Variants in CYP39A1 observed in about 807,000 individuals in gnomAD.
CYP39A1 encodes 24-hydroxycholesterol 7-alpha-hydroxylase.
Under a neutral mutation model 58.1 loss-of-function variants are expected in CYP39A1, and 49 were observed. The observed-to-expected ratio is 0.84, with a 90% CI of 0.67 to 1.07. The LOEUF (loss-of-function observed/expected upper bound fraction) is 1.07, where lower values mean the gene tolerates loss of function less well. Among genes scored for constraint, CYP39A1 ranks in the 50% least tolerant of loss-of-function variants. CYP39A1 has a pLI of 0.00. For missense variants in CYP39A1, 531 were observed against 539.4 expected (o/e 0.98, Z 0.16); for synonymous variants, 209 against 187.6 (o/e 1.11, Z -0.93).
intron 7 of CYP39A1, among the ~76,000 whole-genome samples, chr6:46,620,722 G>A (rs1033955158): frequency 6.6e-6 from 1 of 152,140 alleles, no homozygotes; most frequent in East Asian, 1.9e-4. Context: ...TTGGCTGAGT[G>A]TTGAAGGCAT....
At chr6:46,558,573 G>A (rs1770783974) in intron 10 of CYP39A1, among the ~76,000 whole-genome samples, 1 of 152,246 alleles carries the variant, frequency 6.6e-6, no homozygotes, top group South Asian at 2.1e-4. Context: ...TGGGGACACA[G>A]AGGCAAACTA....
chr6:46,630,479 T>C (rs1165405980), intron 6 of CYP39A1, among the ~76,000 whole-genome samples: 1 of 152,100 alleles, frequency 6.6e-6, no homozygotes, highest in Non-Finnish European at 1.5e-5. Context: ...TATTAGGAAA[T>C]GGAGGCACAG....
At chr6:46,554,414 T>C (rs895345634) in intron 10 of CYP39A1, among the ~76,000 whole-genome samples, 6 of 152,142 alleles carry the variant, frequency 3.9e-5, no homozygotes, top group Non-Finnish European at 7.4e-5. Context: ...TACAGGAACA[T>C]CAAATTCCCC....
intron 10 of CYP39A1, among the ~76,000 whole-genome samples, chr6:46,555,626 A>C (rs551760672): frequency 6.6e-6 from 1 of 152,194 alleles, no homozygotes; most frequent in South Asian, 2.1e-4. Flanking sequence ...TACAGCTAGA[A>C]TTTGCATGTC....
At chr6:46,625,397 C>T in intron 7 of CYP39A1, 21 bp downstream of exon 7, 1 of 1,535,524 alleles carries the variant, frequency 6.5e-7, no homozygotes, top group African/African-American at 1.4e-5. Context: ...CTGTGTCTTC[C>T]TATATAATAA....
intron 6 of CYP39A1, among the ~76,000 whole-genome samples, chr6:46,630,133 A>C (rs577301309): frequency 4.5e-4 from 68 of 151,224 alleles, no homozygotes; most frequent in African/African-American, 1.2e-3. Flanking sequence ...ACAACAACAA[A>C]AAAACCCACA....
intron 3 of CYP39A1, 73 bp downstream of exon 3, chr6:46,639,421 T>G: frequency 1.4e-6 from 2 of 1,392,808 alleles, no homozygotes; most frequent in Non-Finnish European, 2.0e-6. Flanking sequence ...ATGTTTGAAG[T>G]CCAATCTATA....
intron 5 of CYP39A1, among the ~76,000 whole-genome samples, chr6:46,633,205 A>C (rs1183033393): frequency 6.6e-6 from 1 of 152,196 alleles, no homozygotes; most frequent in East Asian, 1.9e-4. Context: ...AATTGAAAAT[A>C]GTTTAGATAT....
intron 7 of CYP39A1, among the ~76,000 whole-genome samples, chr6:46,618,236 T>C (rs988504825): frequency 6.6e-6 from 1 of 152,172 alleles, no homozygotes; most frequent in Non-Finnish European, 1.5e-5. Flanking sequence ...TGAGGATTAT[T>C]ATTAACCATC....
intron 7 of CYP39A1, among the ~76,000 whole-genome samples, chr6:46,607,544 C>T (rs1773923753): frequency 6.6e-6 from 1 of 151,704 alleles, no homozygotes; most frequent in Non-Finnish European, 1.5e-5. Flanking sequence ...ATAATTGTTT[C>T]TACAGCTTTG....
At chr6:46,641,836 T>C (rs1776355230) in intron 2 of CYP39A1, among the ~76,000 whole-genome samples, 2 of 152,186 alleles carry the variant, frequency 1.3e-5, no homozygotes, top group Non-Finnish European at 2.9e-5. Flanking sequence ...GAACACTGTA[T>C]ACACAGCAGT....
intron 5 of CYP39A1, among the ~76,000 whole-genome samples, chr6:46,633,815 C>T (rs1243597645): frequency 6.6e-6 from 1 of 152,096 alleles, no homozygotes; most frequent in Non-Finnish European, 1.5e-5. Context: ...CGAGATCACA[C>T]CACTGCACTC....
chr6:46,551,640 A>G (rs1770400709), intron 11 of CYP39A1, among the ~76,000 whole-genome samples: 1 of 152,164 alleles, frequency 6.6e-6, no homozygotes, highest in Non-Finnish European at 1.5e-5. Flanking sequence ...TGCAAAATTA[A>G]AATTGGAGAT....
At position 46,594,132 on chromosome 6, in the gene CYP39A1, G is replaced by A. The variant is rs763020407; in HGVS notation, c.1065+1855C>T. ...ATAGGATTATATTGATTCTGATTCAGAATCAGATGGCCAGAATGATTATTA... is the reference window on the plus strand; with the variant it reads ...ATAGGATTATATTGATTCTGATTCAAAATCAGATGGCCAGAATGATTATTA... On this transcript the variant is annotated intron_variant, in intron 8 of 11. Coordinates refer to ENST00000275016, the MANE Select transcript of CYP39A1 (RefSeq NM_016593.5). Among the ~76,000 whole-genome samples the A allele has an allele frequency of 7.9e-4, 120 of 152,116 alleles. No individual in the cohort carries two copies. The Middle Eastern group carries it at 0.02, about 26-fold the overall frequency.
At chr6:46,553,358 C>T (rs189896696) in intron 11 of CYP39A1, among the ~76,000 whole-genome samples, 2 of 152,242 alleles carry the variant, frequency 1.3e-5, no homozygotes, top group South Asian at 2.1e-4. Flanking sequence ...TTTTTCCATG[C>T]TGTTCCTTTT....
intron 6 of CYP39A1, 69 bp downstream of exon 6, chr6:46,630,894 G>C: frequency 1.7e-6 from 2 of 1,149,048 alleles, no homozygotes; most frequent in Admixed American, 4.0e-5. Context: ...ATGGAAGACA[G>C]AAATGAAGGA....
intron 2 of CYP39A1, among the ~76,000 whole-genome samples, chr6:46,640,225 C>T (rs1776247884): frequency 6.6e-6 from 1 of 152,174 alleles, no homozygotes; most frequent in African/African-American, 2.4e-5. Flanking sequence ...CAGCCCTTCT[C>T]CCTCAAAATC....
intron 1 of CYP39A1, among the ~76,000 whole-genome samples, chr6:46,644,548 G>T (rs1776536450): frequency 6.6e-6 from 1 of 152,100 alleles, no homozygotes; most frequent in East Asian, 1.9e-4. Context: ...AATGAATAAG[G>T]TTGAAAGACA....
intron 7 of CYP39A1, among the ~76,000 whole-genome samples, chr6:46,623,855 T>C (rs1406693669): frequency 6.6e-6 from 1 of 152,162 alleles, no homozygotes; most frequent in Non-Finnish European, 1.5e-5. Flanking sequence ...GAATAGCTTC[T>C]GTATAAGTAT....
Sources: allele counts gnomAD v4.1 joint callset (sites outside exome capture counted in the v4.1 genomes callset), GRCh38; gene constraint gnomAD v4.1.1; transcripts MANE v1.5; gene names NCBI Gene and HGNC (gene_info 2026-07-23, HGNC 2026-07-21).